Variants in KLK15 observed in about 807,000 individuals in gnomAD.
KLK15 encodes kallikrein related peptidase 15, also known as kallikrein-15.
Under a neutral mutation model 21.1 loss-of-function variants are expected in KLK15, and 19 were observed. That is an observed-to-expected ratio of 0.90 (90% confidence interval 0.63 to 1.32). The LOEUF (loss-of-function observed/expected upper bound fraction) is 1.32. Ranked by LOEUF, KLK15 falls within the 40% of genes most tolerant of loss-of-function variation. The probability of loss-of-function intolerance (pLI) is 0.00; values close to 1 mark genes in which losing one functional copy is unlikely to be tolerated. For missense variants in KLK15, 345 were observed against 348.6 expected, an observed-to-expected ratio of 0.99 and a Z score of 0.08; for synonymous variants, 141 against 141.5, an observed-to-expected ratio of 1.00 and a Z score of 0.03.
upstream of KLK15, among the ~76,000 whole-genome samples, chr19:50,832,322 C>CTTTTTTTTTTTTTTTTTTTTTTT (rs773163899): frequency 1.8e-5 from 2 of 109,440 alleles, no homozygotes; most frequent in African/African-American, 3.4e-5. Flanking sequence ...CTTTTTTTTT[C>CTTTTTTTTTTTTTTTTTTTTTTT]TTTTTTTTTT....
At chr19:50,830,186 C>CAG (rs1228163252) in intron 1 of KLK15, among the ~76,000 whole-genome samples, 4 of 151,228 alleles carry the variant, frequency 2.6e-5, no homozygotes, top group East Asian at 1.9e-4. Flanking sequence ...CACACACACA[C>CAG]AGAATGGCAT....
At chr19:50,831,772 C>T (rs1373349649), upstream of KLK15, among the ~76,000 whole-genome samples, 3 of 152,016 alleles carry the variant, frequency 2.0e-5, no homozygotes, top group Non-Finnish European at 4.4e-5. Flanking sequence ...ATGCTACCAG[C>T]CCCTGGATCT....
chr19:50,828,360 G>A (rs2089922247), intron 1 of KLK15, among the ~76,000 whole-genome samples: 1 of 151,634 alleles, frequency 6.6e-6, no homozygotes, highest in South Asian at 2.1e-4. Context: ...AGGGCAAGAA[G>A]TCCTCTGTGG....
At position 50,826,886 on chromosome 19, in the gene KLK15, CG is replaced by C; in HGVS notation, c.472del (p.Arg158GlyfsTer4). On this transcript the variant is annotated frameshift_variant, in exon 3 of 5. Coordinates refer to ENST00000598239, the Ensembl canonical transcript of KLK15. LOFTEE classifies it high-confidence loss of function. ...TCCATCCTTTCACGCACCTTGTGAC[CG>C]GGGGCTCCCAGCGGTCCCAGGCTCG... is the stretch of plus-strand genomic sequence containing the variant. 6.4e-7 allele frequency: 1 copy of C among 1,561,236 alleles called. No homozygotes were observed.
At chr19:50,827,955 TG>T (rs369196607) in intron 1 of KLK15, 140 bp from the exon 3 acceptor site, 2 of 538,322 alleles carry the variant, frequency 3.7e-6, no homozygotes, top group Non-Finnish European at 6.2e-6. Flanking sequence ...TTTTGTTTGT[TG>T]TTGTTGTTGT....
rs1485687745 is a variant in KLK15 at position 50,825,907 on chromosome 19, C to T, written c.660G>A (p.Gln220=). 15 of 1,613,872 alleles carry T rather than the reference C, an allele frequency of 9.3e-6. No individual in the cohort carries two copies. In the Admixed American group the frequency reaches 2.3e-4, roughly 25 times the overall value. Residue 220 remains glutamine (Q), a synonymous_variant, in exon 5 of 5, where the codon CAG becomes CAA. Transcript: ENST00000598239. ...GGACGTCACCCCAGGACACAATGCC[C>T]TGCAGGATGCCCCCACAGACCAGGG...
At chr19:50,832,524 T>G (rs1001604429), upstream of KLK15, among the ~76,000 whole-genome samples, 2 of 135,196 alleles carry the variant, frequency 1.5e-5, no homozygotes, top group Non-Finnish European at 3.2e-5. Context: ...AGTTTCACCA[T>G]GTTGGCCAGG....
chr19:50,826,074 A>C, intron 4 of KLK15, 126 bp from the exon 6 acceptor site: 1 of 900,716 alleles, frequency 1.1e-6, no homozygotes, highest in Non-Finnish European at 1.6e-6. Flanking sequence ...AACCCAACTC[A>C]ACTCAATACA....
upstream of KLK15, chr19:50,831,652 A>G (rs2089987521): frequency 4.1e-6 from 2 of 485,178 alleles, no homozygotes; most frequent in Non-Finnish European, 6.9e-6. Context: ...CCTTCCCCCA[A>G]CCCCACTCTG....
Position 50,827,244 on chromosome 19 carries a change from G to GTCATTTGTGGCAGAACGTTAATGAAA in KLK15, c.198-84_198-83insTTTCATTAACGTTCTGCCACAAATGA, listed in dbSNP as rs1555765359. On this transcript the variant is annotated intron_variant, in intron 2 of 4. Coordinates refer to ENST00000598239, the Ensembl canonical transcript of KLK15. ...TAGAGGACAGAAAGATCAAAGAGTG[G>GTCATTTGTGGCAGAACGTTAATGAAA]GCAACCCGAGGTCTCCCGACCCTTT... 1.9e-3 allele frequency: 2,555 copies of GTCATTTGTGGCAGAACGTTAATGAAA among 1,347,972 alleles called. 5 individuals are homozygous for GTCATTTGTGGCAGAACGTTAATGAAA. The highest frequency in any genetic ancestry group is 2.4e-3 in the Non-Finnish European group (2,420 of 990,544). The allele number at this position is 1,347,972 out of a possible 1,614,324, so 83.5% of individuals were successfully genotyped here.
intron 4 of KLK15, 180 bp from the exon 6 acceptor site, chr19:50,826,128 C>T: frequency 1.7e-6 from 1 of 599,690 alleles, no homozygotes; most frequent in South Asian, 2.2e-5. Context: ...CCAACCCCAA[C>T]CCCAATTCAA....
Position 50,825,951 on chromosome 19 carries a change from G to T in KLK15, c.619-3C>A. The T allele has an allele frequency of 6.2e-7, 1 of 1,609,930 alleles. No homozygotes were observed. The highest frequency in any genetic ancestry group is 8.5e-7 in the Non-Finnish European group (1 of 1,177,436). ...ACCAGGGGTCCCCCAGAGTCACCCT[G>T]TGGGGAAAAGAGGGGGTCTCAGGTT... is the stretch of plus-strand genomic sequence containing the variant. On this transcript the variant is annotated splice_region_variant and splice_polypyrimidine_tract_variant and intron_variant, in intron 4 of 4. Transcript: ENST00000598239.
intron 1 of KLK15, chr19:50,830,971 CAG>C (rs2089975362): frequency 1.3e-5 from 2 of 153,644 alleles, no homozygotes; most frequent in Admixed American, 6.5e-5. Flanking sequence ...CTGTAAGAGA[CAG>C]GGAGTGGCAG....
intron 1 of KLK15, among the ~76,000 whole-genome samples, chr19:50,828,282 T>C (rs1177597188): frequency 1.3e-5 from 2 of 151,482 alleles, no homozygotes; most frequent in Non-Finnish European, 3.0e-5. Flanking sequence ...GCCTGTTTTC[T>C]CCAGAACTCT....
At chr19:50,828,120 A>AT (rs1293053098) in intron 1 of KLK15, among the ~76,000 whole-genome samples, 2 of 151,136 alleles carry the variant, frequency 1.3e-5, no homozygotes, top group Non-Finnish European at 3.0e-5. Context: ...TAATTTTTGT[A>AT]TTTTTAGTAG....
upstream of KLK15, among the ~76,000 whole-genome samples, chr19:50,832,323 T>TTTC (rs71765704): frequency 5.3e-4 from 35 of 66,344 alleles, 1 homozygote; most frequent in Middle Eastern, 5.2e-3. Context: ...TTTTTTTTTC[T>TTTC]TTTTTTTTTT....
chr19:50,826,795 T>G, intron 3 of KLK15, 38 bp from the exon 5 acceptor site: 2 of 1,591,718 alleles, frequency 1.3e-6, no homozygotes, highest in Non-Finnish European at 1.7e-6. Flanking sequence ...ATCCATAAAT[T>G]CCGGCCCTTG....
chr19:50,827,940 C>T (rs1156745219), intron 1 of KLK15, 125 bp from the exon 3 acceptor site: 18 of 716,828 alleles, frequency 2.5e-5, no homozygotes, highest in Non-Finnish European at 1.6e-5. Context: ...GACACCCTGC[C>T]CTGTTTTTGT....
At position 50,826,952 on chromosome 19, in the gene KLK15, TC is replaced by T. The variant is rs1457678928; in HGVS notation, c.406del (p.Glu136ArgfsTer26). On this transcript the variant is annotated frameshift_variant, in exon 3 of 5. Coordinates refer to ENST00000598239, the Ensembl canonical transcript of KLK15. LOFTEE classifies it high-confidence loss of function. Reference sequence around the variant, plus strand: ...GCCCCAGCCAGACACCACACAGGCCTCCCCCGGGTGGGGGCAACGCGTGGGT... The same window carrying T: ...GCCCCAGCCAGACACCACACAGGCCTCCCCGGGTGGGGGCAACGCGTGGGT... 2.5e-6 allele frequency: 4 copies of T among 1,603,340 alleles called. No homozygotes were observed. Among genetic ancestry groups the T allele is most frequent in the Admixed American group, 1.7e-5 (1 of 59,574 alleles).
Sources: allele counts gnomAD v4.1 joint callset (sites outside exome capture counted in the v4.1 genomes callset), GRCh38; gene constraint gnomAD v4.1.1; transcripts MANE v1.5; gene names NCBI Gene and HGNC (gene_info 2026-07-23, HGNC 2026-07-21).